TRMT11: variants seen among roughly 807,000 people sequenced by gnomAD.
The protein encoded by TRMT11 is tRNA (guanine(10)-N(2))-methyltransferase TRMT11.
A neutral mutation model predicts 62.8 loss-of-function variants in TRMT11; 53 were observed. That is an observed-to-expected ratio of 0.84 (90% CI 0.68 to 1.06). The LOEUF (loss-of-function observed/expected upper bound fraction) is 1.06, where lower values mean the gene tolerates loss of function less well. TRMT11 is among the 50% of genes least tolerant of loss of function. The probability of loss-of-function intolerance (pLI) is 0.00; values close to 1 mark genes in which losing one functional copy is unlikely to be tolerated. For synonymous variants in TRMT11, 188 were observed against 190.3 expected (o/e 0.99, Z 0.10); for missense variants, 556 against 553.4 (o/e 1.00, Z -0.05).
chr6:126,103,518 C>T (rs893755798), intron 17 of TRMT11, among the ~76,000 whole-genome samples: 9 of 152,308 alleles, frequency 5.9e-5, no homozygotes, highest in Admixed American at 2.6e-4. Flanking sequence ...TTGCAATCAA[C>T]GTGTTAGTTG....
At chr6:126,257,993 G>A in the TRMT11 span, 87 of 1,544,652 alleles carry the variant, frequency 5.6e-5, no homozygotes, top group African/African-American at 7.4e-4. Context: ...TGAAGGCCTC[G>A]GTGGGTTTGT....
At chr6:126,083,200 A>G (rs1777177722) in intron 17 of TRMT11, among the ~76,000 whole-genome samples, 1 of 152,160 alleles carries the variant, frequency 6.6e-6, no homozygotes, top group African/African-American at 2.4e-5. Flanking sequence ...TCCCTGACAA[A>G]CTGGTGTCCC....
At chr6:126,112,105 A>G in intron 17 of TRMT11, among the ~76,000 whole-genome samples, 1 of 152,136 alleles carries the variant, frequency 6.6e-6, no homozygotes, top group Non-Finnish European at 1.5e-5. Context: ...ACTGGAGTAT[A>G]TTCTGCAGAA....
chr6:126,027,255 A>G (rs1439221183), intron 12 of TRMT11, among the ~76,000 whole-genome samples: 1 of 152,214 alleles, frequency 6.6e-6, no homozygotes, highest in Non-Finnish European at 1.5e-5. Context: ...GTTGTCCACA[A>G]CAGACTGAGG....
At chr6:126,266,075 A>C in the TRMT11 span, among the ~76,000 whole-genome samples, 1 of 152,154 alleles carries the variant, frequency 6.6e-6, no homozygotes, top group Non-Finnish European at 1.5e-5. Context: ...TACCCTTGAA[A>C]ATGATTGTAA....
the TRMT11 span, among the ~76,000 whole-genome samples, chr6:126,234,002 C>G: frequency 6.6e-6 from 1 of 152,158 alleles, no homozygotes; most frequent in Admixed American, 6.5e-5. Context: ...TTTATTATTA[C>G]TATTGTATTA....
At chr6:125,991,018 G>A (rs1397925519) in intron 1 of TRMT11, among the ~76,000 whole-genome samples, 1 of 151,834 alleles carries the variant, frequency 6.6e-6, no homozygotes. Flanking sequence ...AGGCTGAGGC[G>A]GGCGGATCAC....
At chr6:126,102,427 T>A (rs1216609736) in intron 17 of TRMT11, among the ~76,000 whole-genome samples, 1 of 151,990 alleles carries the variant, frequency 6.6e-6, no homozygotes, top group Non-Finnish European at 1.5e-5. Flanking sequence ...CCTCCTGCGA[T>A]GCTGGCCTCG....
At chr6:126,208,273 A>G (rs1306678361), downstream of TRMT11, among the ~76,000 whole-genome samples, 1 of 152,154 alleles carries the variant, frequency 6.6e-6, no homozygotes, top group Non-Finnish European at 1.5e-5. Flanking sequence ...CTCAAATCCT[A>G]TTCTTAGGAG....
chr6:126,018,348 CAA>C (rs1380839322), intron 11 of TRMT11, among the ~76,000 whole-genome samples: 1 of 151,980 alleles, frequency 6.6e-6, no homozygotes, highest in East Asian at 1.9e-4. Flanking sequence ...ATCTGTTTCT[CAA>C]ATGGGAGCTG....
intron 11 of TRMT11, among the ~76,000 whole-genome samples, chr6:126,017,999 T>A (rs1795234026): frequency 6.6e-6 from 1 of 152,216 alleles, no homozygotes; most frequent in African/African-American, 2.4e-5. Context: ...CAGATAACTC[T>A]TGAAGTGATT....
At chr6:125,993,680 G>A in intron 1 of TRMT11, 77 bp from the exon 2 acceptor site, 4 of 885,024 alleles carry the variant, frequency 4.5e-6, no homozygotes, top group Admixed American at 2.1e-5. Context: ...TTTTAGTCAT[G>A]TAATACCTGT....
At chr6:125,993,662 C>T (rs1790995036) in intron 1 of TRMT11, 95 bp from the exon 2 acceptor site, 1 of 666,686 alleles carries the variant, frequency 1.5e-6, no homozygotes. Flanking sequence ...CTTCAGCCTA[C>T]TCTTATTTTT....
intron 17 of TRMT11, among the ~76,000 whole-genome samples, chr6:126,093,490 T>A (rs550735808): frequency 4.4e-4 from 66 of 148,554 alleles, no homozygotes; most frequent in Non-Finnish European, 9.1e-4. Flanking sequence ...TTTCTTATTA[T>A]GATTATAATA....
chr6:126,224,151 T>C, the TRMT11 span, among the ~76,000 whole-genome samples: 1 of 152,224 alleles, frequency 6.6e-6, no homozygotes, highest in Non-Finnish European at 1.5e-5. Context: ...GTCATTTCAG[T>C]CATTTCAGCC....
intron 21 of TRMT11, among the ~76,000 whole-genome samples, chr6:126,147,859 A>G (rs967520424): frequency 6.6e-6 from 1 of 151,860 alleles, no homozygotes; most frequent in Admixed American, 6.6e-5. Context: ...GAACACATGG[A>G]CACAGGGAGG....
chr6:126,103,675 T>G (rs1359661825), intron 17 of TRMT11, among the ~76,000 whole-genome samples: 2 of 152,198 alleles, frequency 1.3e-5, no homozygotes, highest in South Asian at 2.1e-4. Flanking sequence ...TCTCAGCAAT[T>G]ATTGGCTGCC....
At chr6:126,156,806 T>C (rs373261335) in intron 21 of TRMT11, among the ~76,000 whole-genome samples, 3 of 152,164 alleles carry the variant, frequency 2.0e-5, no homozygotes, top group Non-Finnish European at 4.4e-5. Flanking sequence ...CACCAAGCCA[T>C]TCATGAGAGA....
chr6:126,064,335 C>A (rs1332803516), intron 17 of TRMT11, among the ~76,000 whole-genome samples: 1 of 152,054 alleles, frequency 6.6e-6, no homozygotes, highest in Non-Finnish European at 1.5e-5. Context: ...CTCTGTGGAC[C>A]CCTTTAAGCA....
Sources: allele counts gnomAD v4.1 joint callset (sites outside exome capture counted in the v4.1 genomes callset), GRCh38; gene constraint gnomAD v4.1.1; transcripts MANE v1.5; gene names NCBI Gene and HGNC (gene_info 2026-07-23, HGNC 2026-07-21).